Variants in XPR1 observed in about 807,000 individuals in gnomAD.
The protein encoded by XPR1 is xenotropic and polytropic retrovirus receptor 1.
Under a neutral mutation model 87.5 loss-of-function variants are expected in XPR1, and 28 were observed. The observed-to-expected ratio is 0.32, with a 90% confidence interval of 0.24 to 0.44. The LOEUF is 0.44. XPR1 is among the 20% of genes least tolerant of loss of function. XPR1 has a pLI of 1.00. For missense variants in XPR1, 559 were observed against 862.3 expected (o/e 0.65, Z 4.41); for synonymous variants, 300 against 306.1 (o/e 0.98, Z 0.21).
chr1:180,682,435 T>G (rs927116362), intron 2 of XPR1, 24 bp downstream of exon 2: 7 of 1,584,004 alleles, frequency 4.4e-6, no homozygotes, highest in Non-Finnish European at 5.2e-6. Flanking sequence ...ACCCTTAAGT[T>G]TAGTCACAGA....
chr1:180,821,013 T>C (rs1650608477), intron 7 of XPR1, among the ~76,000 whole-genome samples: 1 of 152,176 alleles, frequency 6.6e-6, no homozygotes, highest in Admixed American at 6.5e-5. Context: ...TCCCTTTTTT[T>C]TTTTACTTTC....
At chr1:180,696,254 ATTGCT>A (rs1342085164) in intron 2 of XPR1, among the ~76,000 whole-genome samples, 2 of 144,828 alleles carry the variant, frequency 1.4e-5, no homozygotes, top group Non-Finnish European at 3.0e-5. Flanking sequence ...TGTAAATGAG[ATTGCT>A]TTCTTTTCAG....
chr1:180,647,785 C>T (rs1655165521), intron 1 of XPR1, among the ~76,000 whole-genome samples: 4 of 151,440 alleles, frequency 2.6e-5, no homozygotes, highest in South Asian at 4.2e-4. Context: ...TCTGTAATCC[C>T]AGCTACTCCA....
At chr1:180,882,817 C>A (rs919467743) in intron 14 of XPR1, among the ~76,000 whole-genome samples, 2 of 152,196 alleles carry the variant, frequency 1.3e-5, no homozygotes, top group African/African-American at 4.8e-5. Context: ...ATGTTGTCAA[C>A]TCTTTGAAGA....
At chr1:180,746,330 ACCCAT>A (rs1647245960) in intron 2 of XPR1, among the ~76,000 whole-genome samples, 1 of 152,004 alleles carries the variant, frequency 6.6e-6, no homozygotes, top group Admixed American at 6.5e-5. Context: ...GCCTTTGAGT[ACCCAT>A]AGCTTAGCTT....
chr1:180,784,322 A>G (rs1438469492), intron 2 of XPR1, among the ~76,000 whole-genome samples: 4 of 152,022 alleles, frequency 2.6e-5, no homozygotes, highest in African/African-American at 9.6e-5. Context: ...AGTTGCATTT[A>G]TATGACATCT....
At chr1:180,684,707 C>G (rs1656704378) in intron 2 of XPR1, among the ~76,000 whole-genome samples, 1 of 152,082 alleles carries the variant, frequency 6.6e-6, no homozygotes, top group Non-Finnish European at 1.5e-5. Context: ...CCTTCACATC[C>G]CTTTTAAGTT....
intron 2 of XPR1, among the ~76,000 whole-genome samples, chr1:180,755,871 CTG>C (rs1224365677): frequency 6.6e-6 from 1 of 152,094 alleles, no homozygotes; most frequent in Admixed American, 6.6e-5. Context: ...GTAGATCTGA[CTG>C]AACCTCTCTT....
intron 3 of XPR1, among the ~76,000 whole-genome samples, chr1:180,791,678 A>G (rs1649395261): frequency 6.6e-6 from 1 of 152,228 alleles, no homozygotes; most frequent in Non-Finnish European, 1.5e-5. Context: ...TGACTACACA[A>G]TATATTTAAA....
intron 11 of XPR1, among the ~76,000 whole-genome samples, chr1:180,860,112 G>T (rs1478903000): frequency 6.6e-6 from 1 of 151,866 alleles, no homozygotes; most frequent in Non-Finnish European, 1.5e-5. Flanking sequence ...ATAAAAAGAT[G>T]CCTGACATCA....
intron 3 of XPR1, among the ~76,000 whole-genome samples, chr1:180,789,324 T>A (rs1379473375): frequency 6.6e-6 from 1 of 152,192 alleles, no homozygotes; most frequent in East Asian, 1.9e-4. Context: ...TCATTGTCCT[T>A]GTGGACAGTC....
chr1:180,821,505 T>C (rs1650624850), intron 7 of XPR1, among the ~76,000 whole-genome samples: 2 of 152,246 alleles, frequency 1.3e-5, no homozygotes, highest in Non-Finnish European at 2.9e-5. Context: ...TTTGTTCTTT[T>C]TTCATTATTG....
chr1:180,739,120 T>TA (rs1352940508), intron 2 of XPR1, among the ~76,000 whole-genome samples: 2 of 152,296 alleles, frequency 1.3e-5, no homozygotes, highest in East Asian at 1.9e-4. Context: ...CATAATTTGT[T>TA]AAAAAAGAGT....
At chr1:180,807,856 T>A (rs913434652) in intron 6 of XPR1, among the ~76,000 whole-genome samples, 8 of 152,036 alleles carry the variant, frequency 5.3e-5, no homozygotes, top group African/African-American at 1.9e-4. Flanking sequence ...ATACAAAAAT[T>A]AGCTGGGCTT....
chr1:180,801,167 A>G (rs3002118), intron 3 of XPR1, among the ~76,000 whole-genome samples: 72,504 of 152,088 alleles, frequency 0.48, 18,333 homozygotes, highest in East Asian at 0.83. Flanking sequence ...TTGAATGTGC[A>G]TTGCAATCAG....
intron 11 of XPR1, among the ~76,000 whole-genome samples, chr1:180,856,530 G>A (rs1342101087): frequency 3.3e-5 from 5 of 152,050 alleles, no homozygotes; most frequent in South Asian, 2.1e-4. Context: ...TCGATGTTTC[G>A]TAAGTACCTT....
chr1:180,650,755 CT>C (rs1441634935), intron 1 of XPR1, among the ~76,000 whole-genome samples: 1 of 151,986 alleles, frequency 6.6e-6, no homozygotes, highest in South Asian at 2.1e-4. Flanking sequence ...GCAATTGAGC[CT>C]TTTTTTCATT....
chr1:180,632,073 G>T lies in XPR1; in HGVS notation c.-129G>T. The T allele has an allele frequency of 9.2e-7, 1 of 1,087,046 alleles. No homozygotes were observed. The highest frequency in any genetic ancestry group is 2.6e-5 in the East Asian group (1 of 38,736). 67.3% of individuals were successfully genotyped at this position (1,087,046 alleles called of 1,614,324 possible). Reference sequence around the variant, plus strand: ...CGGGCTGCTCTGAAGAGACCTCGGCGGCGGCGGAGGAGGAGAGAAGCGCAG... The same window carrying T: ...CGGGCTGCTCTGAAGAGACCTCGGCTGCGGCGGAGGAGGAGAGAAGCGCAG... On this transcript the variant is annotated 5_prime_UTR_variant, in exon 1 of 15. Coordinates refer to ENST00000367590, the MANE Select transcript of XPR1 (RefSeq NM_004736.4).
At chr1:180,718,034 G>A (rs890901427) in intron 2 of XPR1, among the ~76,000 whole-genome samples, 8 of 152,112 alleles carry the variant, frequency 5.3e-5, no homozygotes, top group African/African-American at 1.9e-4. Context: ...GGGTTTAGCT[G>A]TTTCTTTGGT....
Sources: gnomAD v4.1 joint callset for allele counts (sites outside exome capture counted in the v4.1 genomes callset) on GRCh38, gnomAD v4.1.1 for gene constraint, MANE v1.5 for transcripts, NCBI Gene and HGNC (gene_info 2026-07-23, HGNC 2026-07-21) for gene names.